Variants in CNBD1 observed in about 807,000 individuals in gnomAD.
The protein encoded by CNBD1 is cyclic nucleotide binding domain containing 1.
A neutral mutation model predicts 54.4 loss-of-function variants in CNBD1; 71 were observed. That is an observed-to-expected ratio of 1.30 (90% CI 1.08 to 1.59). The LOEUF is 1.59. CNBD1 is among the 40% of genes most tolerant of loss of function. The probability of loss-of-function intolerance (pLI) is 0.00; values close to 1 mark genes in which losing one functional copy is unlikely to be tolerated. For synonymous variants in CNBD1, 182 were observed against 170.7 expected, an observed-to-expected ratio of 1.07 and a Z score of -0.51; for missense variants, 659 against 518.0, an observed-to-expected ratio of 1.27 and a Z score of -2.64.
At chr8:87,256,125 C>G (rs529850270) in intron 6 of CNBD1, among the ~76,000 whole-genome samples, 1 of 144,292 alleles carries the variant, frequency 6.9e-6, no homozygotes, top group African/African-American at 2.6e-5. Context: ...TGGGTTCAAG[C>G]GATTCTCCTG....
rs1810261267 is a variant in CNBD1, at chr8:87,350,380, A to C, written c.1043-1305A>C. 2.0e-5 allele frequency among the ~76,000 whole-genome samples: 3 copies of C among 151,986 alleles called. No individual in the cohort carries two copies. In the South Asian group the frequency reaches 6.2e-4, roughly 32 times the overall value. On this transcript the variant is annotated intron_variant, in intron 8 of 10. Transcript: ENST00000518476. ...AAGTAACTATTACATGAGGAGAAAA[A>C]GATAGACTATCCTCATAATTATGCC...
intron 2 of CNBD1, among the ~76,000 whole-genome samples, chr8:86,891,970 G>A (rs968344684): frequency 6.6e-6 from 1 of 151,810 alleles, no homozygotes; most frequent in Non-Finnish European, 1.5e-5. Flanking sequence ...GGAGTCTCTA[G>A]GCTTTTATAC....
At chr8:87,131,737 T>C (rs1052169960) in intron 4 of CNBD1, among the ~76,000 whole-genome samples, 1 of 152,060 alleles carries the variant, frequency 6.6e-6, no homozygotes, top group African/African-American at 2.4e-5. Context: ...ACAATAATTT[T>C]TGTTGTAAAT....
intron 4 of CNBD1, among the ~76,000 whole-genome samples, chr8:87,192,173 CAACT>C (rs1364509032): frequency 6.6e-6 from 1 of 152,032 alleles, no homozygotes; most frequent in African/African-American, 2.4e-5. Context: ...GTGACATAGA[CAACT>C]AATTCATAAA....
At chr8:87,313,632 AG>A (rs1247341795) in intron 8 of CNBD1, among the ~76,000 whole-genome samples, 1 of 151,908 alleles carries the variant, frequency 6.6e-6, no homozygotes. Flanking sequence ...TTGAGAAGAA[AG>A]TGATGTTTTT....
At position 87,401,431 on chromosome 8, in the gene CNBD1, T is replaced by G. The variant is rs1807561951; in HGVS notation, c.214-27115T>G. On this transcript the variant is annotated intron_variant, in intron 2 of 7. Transcript: ENST00000521593. ...CACAGATGCTAGAAGCTTGGGCTGC[T>G]CTATTGGGTGACCAAGGAATGCCCT... Among the ~76,000 whole-genome samples the G allele has an allele frequency of 2.0e-5, 3 of 152,078 alleles. No homozygotes were observed. In the South Asian group the frequency reaches 6.2e-4, roughly 31 times the overall value.
At chr8:87,171,927 G>A (rs1368395440) in intron 4 of CNBD1, among the ~76,000 whole-genome samples, 5 of 152,020 alleles carry the variant, frequency 3.3e-5, no homozygotes, top group Non-Finnish European at 5.9e-5. Flanking sequence ...ATGAGCCACC[G>A]CGCCTGGGCT....
At chr8:87,199,542 C>A (rs1478828210) in intron 4 of CNBD1, among the ~76,000 whole-genome samples, 1 of 152,160 alleles carries the variant, frequency 6.6e-6, no homozygotes, top group Non-Finnish European at 1.5e-5. Context: ...GATAAGAACA[C>A]TTCACATAAA....
At chr8:87,270,932 A>G (rs1808350024) in intron 6 of CNBD1, among the ~76,000 whole-genome samples, 1 of 151,520 alleles carries the variant, frequency 6.6e-6, no homozygotes, top group South Asian at 2.1e-4. Flanking sequence ...ACTTTTTATT[A>G]TGGCTTTGAT....
intron 6 of CNBD1, among the ~76,000 whole-genome samples, chr8:87,264,588 T>A (rs766800322): frequency 1.6e-4 from 25 of 152,186 alleles, no homozygotes; most frequent in Non-Finnish European, 3.5e-4. Flanking sequence ...TCTTCCACAA[T>A]GGTTGAACTA....
chr8:86,884,735 T>C (rs551676694), intron 1 of CNBD1, among the ~76,000 whole-genome samples: 2 of 152,340 alleles, frequency 1.3e-5, no homozygotes, highest in South Asian at 4.1e-4. Context: ...TGTATAAGGG[T>C]TGCTATTCTT....
intron 4 of CNBD1, among the ~76,000 whole-genome samples, chr8:86,965,691 T>C (rs1244920744): frequency 6.6e-6 from 1 of 152,150 alleles, no homozygotes; most frequent in Non-Finnish European, 1.5e-5. Flanking sequence ...GAAACCTCTG[T>C]GGCTGCGGGT....
At chr8:87,159,437 A>G (rs1812811368) in intron 4 of CNBD1, among the ~76,000 whole-genome samples, 1 of 152,136 alleles carries the variant, frequency 6.6e-6, no homozygotes, top group East Asian at 1.9e-4. Context: ...ATGAAATACA[A>G]CATTGTGCAA....
At chr8:87,034,310 C>A (rs1809859102) in intron 4 of CNBD1, among the ~76,000 whole-genome samples, 1 of 152,142 alleles carries the variant, frequency 6.6e-6, no homozygotes, top group Non-Finnish European at 1.5e-5. Context: ...GAAAAATGTG[C>A]AAGAACTATG....
chr8:86,945,193 A>G (rs1807437578), intron 4 of CNBD1, among the ~76,000 whole-genome samples: 1 of 152,216 alleles, frequency 6.6e-6, no homozygotes, highest in Admixed American at 6.5e-5. Flanking sequence ...AGCTGTGGAA[A>G]GGGTAGGAGA....
At chr8:87,295,912 T>C (rs1808867569) in intron 8 of CNBD1, among the ~76,000 whole-genome samples, 1 of 152,148 alleles carries the variant, frequency 6.6e-6, no homozygotes, top group South Asian at 2.1e-4. Flanking sequence ...CTATTCATTT[T>C]AATAAAAGTA....
chr8:87,389,576 A>T (rs1563583149), intron 2 of CNBD1, among the ~76,000 whole-genome samples: 2 of 152,196 alleles, frequency 1.3e-5, no homozygotes, highest in Admixed American at 6.5e-5. Context: ...GGAGAACTAC[A>T]AACCACTGCT....
chr8:87,247,676 C>T (rs1456254639), intron 6 of CNBD1, among the ~76,000 whole-genome samples: 1 of 152,070 alleles, frequency 6.6e-6, no homozygotes, highest in South Asian at 2.1e-4. Context: ...AAACTCTGGC[C>T]AGTGATCTAC....
intron 4 of CNBD1, chr8:87,044,464 G>C (rs1810139466): frequency 6.6e-6 from 1 of 152,128 alleles, no homozygotes; most frequent in Admixed American, 6.6e-5. Context: ...GGACGCCAGA[G>C]TGAGGTTAGA....
Sources: allele counts gnomAD v4.1 joint callset (sites outside exome capture counted in the v4.1 genomes callset), GRCh38; gene constraint gnomAD v4.1.1; transcripts MANE v1.5; gene names NCBI Gene and HGNC (gene_info 2026-07-23, HGNC 2026-07-21).